ACOX1: variants seen among roughly 807,000 people sequenced by gnomAD.
ACOX1 encodes the protein acyl-CoA oxidase 1, also known as peroxisomal acyl-coenzyme A oxidase 1.
ACOX1 carries 41 observed loss-of-function variants against 75.5 expected under a neutral mutation model. The observed-to-expected ratio is 0.54, with a 90% confidence interval of 0.42 to 0.70. The LOEUF (loss-of-function observed/expected upper bound fraction) is 0.70, where lower values mean the gene tolerates loss of function less well. Among genes scored for constraint, ACOX1 ranks in the 30% least tolerant of loss-of-function variants. ACOX1 has a pLI of 0.00. For missense variants in ACOX1, 630 were observed against 837.5 expected (o/e 0.75, Z 3.06); for synonymous variants, 303 against 298.8 (o/e 1.01, Z -0.15).
In ACOX1 at chr17:75,945,662, T is replaced by G. The variant is rs890990093; in HGVS notation, c.*1086A>C. The G allele has an allele frequency of 2.0e-5, 3 of 153,722 alleles. No individual in the cohort carries two copies. Among genetic ancestry groups the G allele is most frequent in the African/African-American group, 7.2e-5 (3 of 41,452 alleles). 9.5% of individuals were successfully genotyped at this position (153,722 alleles called of 1,614,324 possible). A position where few individuals can be genotyped will look rare whatever the true frequency, so the allele number is the denominator to read the frequency against. On this transcript the variant is annotated 3_prime_UTR_variant, in exon 14 of 14. Coordinates refer to ENST00000293217, the MANE Select transcript of ACOX1 (RefSeq NM_004035.7). ...AATTAGATTTCAACTGAAAGGACAATTAGCGATTCAGAGAAAGCTCCTAGA... is the reference window on the plus strand; with the variant it reads ...AATTAGATTTCAACTGAAAGGACAAGTAGCGATTCAGAGAAAGCTCCTAGA...
chr17:75,971,989 G>A (rs779222844), intron 2 of ACOX1, among the ~76,000 whole-genome samples: 12 of 151,960 alleles, frequency 7.9e-5, no homozygotes, highest in African/African-American at 1.2e-4. Context: ...CACACACCAC[G>A]CATGCATGTA....
At chr17:75,957,622 A>T in intron 3 of ACOX1, 56 bp from the exon 4 acceptor site, 2 of 1,418,162 alleles carry the variant, frequency 1.4e-6, no homozygotes, top group Non-Finnish European at 2.0e-6. Flanking sequence ...AAATAGGCAC[A>T]AGGAAAAATT....
rs374592019 is a variant in ACOX1, at chr17:75,958,676, T to C, written c.431-1110A>G. Among the ~76,000 whole-genome samples, 657 of 151,190 alleles carry C rather than the reference T, an allele frequency of 4.3e-3. 4 individuals are homozygous for C. Among genetic ancestry groups the C allele is most frequent in the East Asian group, 0.013 (65 of 5,074 alleles). ...ACAAAAAATTAGCTGGGCATGGTGG[T>C]GGGTGCCTGTAGTCCCAGCTACTCG... On this transcript the variant is annotated intron_variant, in intron 3 of 13. Coordinates refer to ENST00000293217, the MANE Select transcript of ACOX1 (RefSeq NM_004035.7).
At position 75,958,608 on chromosome 17, in the gene ACOX1, A is replaced by C. The variant is rs9896732; in HGVS notation, c.431-1042T>G. On this transcript the variant is annotated intron_variant, in intron 3 of 13. Coordinates refer to ENST00000293217, the MANE Select transcript of ACOX1 (RefSeq NM_004035.7). ...CGGATCACAAAGTCAGGAGATCGAG[A>C]CCATCCTGGTTAACACGGCGAAACC... Among the ~76,000 whole-genome samples, 55 of 147,648 alleles carry C rather than the reference A, an allele frequency of 3.7e-4. 1 individual carries two copies. The highest frequency in any genetic ancestry group is 9.0e-4 in the African/African-American group (34 of 37,672).
chr17:75,971,253 T>C (rs1258359781), intron 2 of ACOX1, among the ~76,000 whole-genome samples: 4 of 148,948 alleles, frequency 2.7e-5, no homozygotes, highest in Non-Finnish European at 3.0e-5. Flanking sequence ...ATCGCGCCAT[T>C]GCACTCCAGC....
chr17:75,954,145 G>A (rs936768805), intron 6 of ACOX1, among the ~76,000 whole-genome samples: 2 of 151,900 alleles, frequency 1.3e-5, no homozygotes, highest in Non-Finnish European at 2.9e-5. Flanking sequence ...GAACCTGGGA[G>A]GCGGAGGTTT....
rs2065756948 is a variant in ACOX1, at chr17:75,949,753, T to C, written c.1443A>G (p.Glu481=). ...GGAGTTTATATGCTTCGGTTAGGCT[T>C]TCGGGGCTGTTGATATCCACCATGG... is the stretch of plus-strand genomic sequence containing the variant. ...WPTMVDINSP[E]SLTEAYKLRA... The change falls in exon 10 of 14, where the codon GAA becomes GAG. Residue 481 remains glutamate (E), a synonymous_variant. Coordinates refer to ENST00000293217, the MANE Select transcript of ACOX1 (RefSeq NM_004035.7). 6.2e-7 allele frequency: 1 copy of C among 1,614,162 alleles called. No homozygotes were observed. The highest frequency in any genetic ancestry group is 8.5e-7 in the Non-Finnish European group (1 of 1,180,038).
Position 75,946,742 on chromosome 17 carries a change from G to T in ACOX1, c.*6C>A, listed in dbSNP as rs748868022. 1 of 1,613,650 alleles carries T rather than the reference G, an allele frequency of 6.2e-7. No homozygotes were observed. The highest frequency in any genetic ancestry group is 8.5e-7 in the Non-Finnish European group (1 of 1,179,636). On this transcript the variant is annotated 3_prime_UTR_variant, in exon 14 of 14. Transcript: ENST00000293217. The stretch of plus-strand genomic sequence containing the variant: ...TGAAGCAGATTAAACTTGTCCTTGT[G>T]ACACTTCAGAGCTTGGACTGCAGTG...
At chr17:75,968,111 T>C (rs2065956074) in intron 2 of ACOX1, among the ~76,000 whole-genome samples, 1 of 151,628 alleles carries the variant, frequency 6.6e-6, no homozygotes, top group African/African-American at 2.4e-5. Flanking sequence ...GGCTTACTAG[T>C]AATGGGAAAT....
chr17:75,962,276 T>C (rs2065894904), intron 2 of ACOX1, among the ~76,000 whole-genome samples: 1 of 152,186 alleles, frequency 6.6e-6, no homozygotes, highest in African/African-American at 2.4e-5. Flanking sequence ...GTGACAATTA[T>C]ACAGAAATTA....
chr17:75,976,851 G>A (rs1255705905), intron 2 of ACOX1, among the ~76,000 whole-genome samples: 2 of 151,994 alleles, frequency 1.3e-5, no homozygotes, highest in African/African-American at 2.4e-5. Context: ...CTTTACCGAT[G>A]AAAATACTGG....
At chr17:75,951,790 C>G (rs1320878088) in intron 7 of ACOX1, among the ~76,000 whole-genome samples, 2 of 121,642 alleles carry the variant, frequency 1.6e-5, no homozygotes, top group African/African-American at 3.0e-5. Flanking sequence ...TGTGGCAGGT[C>G]TTAGATTTAA....
chr17:75,949,865 G>C lies in ACOX1; in HGVS notation c.1331C>G (p.Ser444Ter). 6.2e-7 allele frequency: 1 copy of C among 1,614,214 alleles called. No homozygotes were observed. Among genetic ancestry groups the C allele is most frequent in the Non-Finnish European group, 8.5e-7 (1 of 1,180,044 alleles). Residue 444 changes from serine to a stop codon, truncating the protein, a stop_gained, in exon 10 of 14, where the codon TCA becomes TGA. Coordinates refer to ENST00000293217, the MANE Select transcript of ACOX1 (RefSeq NM_004035.7). LOFTEE classifies it high-confidence loss of function. ...CACCATGCCACACACCAACTTTCCT[G>C]AGTGCACCTGATCATAACTTTTCAT... ...FLMKSYDQVH[S>*]GKLVCGMVSY...
intron 13 of ACOX1, among the ~76,000 whole-genome samples, chr17:75,947,927 C>G (rs1192490104): frequency 6.6e-6 from 1 of 152,066 alleles, no homozygotes; most frequent in Non-Finnish European, 1.5e-5. Flanking sequence ...CCATTTTAGC[C>G]AGGCTAGTCT....
intron 2 of ACOX1, among the ~76,000 whole-genome samples, chr17:75,971,952 A>C (rs2065999207): frequency 6.6e-6 from 1 of 152,132 alleles, no homozygotes; most frequent in South Asian, 2.1e-4. Flanking sequence ...TCTGTACCAC[A>C]AAGCTACTTC....
At chr17:75,965,924 G>T (rs893720645) in intron 2 of ACOX1, among the ~76,000 whole-genome samples, 7 of 151,894 alleles carry the variant, frequency 4.6e-5, no homozygotes, top group Non-Finnish European at 8.8e-5. Context: ...GAGGTCAAGA[G>T]TTCGAGACCA....
In ACOX1 at chr17:75,946,425, TAATC is replaced by T. The variant is rs961572226; in HGVS notation, c.*319_*322del. 36 of 365,496 alleles carry T rather than the reference TAATC, an allele frequency of 9.8e-5. No individual in the cohort carries two copies. Among genetic ancestry groups the T allele is most frequent in the African/African-American group, 6.1e-4 (29 of 47,412 alleles). The allele number at this position is 365,496 out of a possible 1,614,324, so 22.6% of individuals were successfully genotyped here. Reference sequence around the variant, plus strand: ...GTGATTAGCAATTAAAATGTGAAAATAATCAACTACTCAGTAGTTAAATTCTGCT... The same window carrying T: ...GTGATTAGCAATTAAAATGTGAAAATAACTACTCAGTAGTTAAATTCTGCT... On this transcript the variant is annotated 3_prime_UTR_variant, in exon 14 of 14. Transcript: ENST00000293217.
In ACOX1 at chr17:75,942,429, C is replaced by CCAA. The variant is rs2065680350; in HGVS notation, c.*4318_*4319insTTG. On this transcript the variant is annotated 3_prime_UTR_variant, in exon 14 of 14. Transcript: ENST00000293217. ...TGGGTGAAAGAGCAAGACAACGTCT[C>CCAA]AAAAAAAAAAAAAAAAAAAAAAGCA... 1.5e-5 allele frequency: 1 copy of CCAA among 66,634 alleles called. No homozygotes were observed. Among genetic ancestry groups the CCAA allele is most frequent in the African/African-American group, 5.5e-5 (1 of 18,044 alleles). The allele number at this position is 66,634 out of a possible 1,614,324, so 4.1% of individuals were successfully genotyped here.
chr17:75,970,978 G>T lies in ACOX1; in HGVS notation c.269+7556C>A, dbSNP rs574768072. On this transcript the variant is annotated intron_variant, in intron 2 of 13. Coordinates refer to ENST00000293217, the MANE Select transcript of ACOX1 (RefSeq NM_004035.7). ...TCTAAACCACAGAGATTAAGACAAC[G>T]TTGGTTTAAATACAAGAAAATACCC... 5.3e-5 allele frequency among the ~76,000 whole-genome samples: 8 copies of T among 152,316 alleles called. No individual in the cohort carries two copies. The East Asian group carries it at 1.5e-3, about 29-fold the overall frequency.
Sources: gnomAD v4.1 joint callset for allele counts (sites outside exome capture counted in the v4.1 genomes callset) on GRCh38, gnomAD v4.1.1 for gene constraint, MANE v1.5 for transcripts, NCBI Gene and HGNC (gene_info 2026-07-23, HGNC 2026-07-21) for gene names.